The following C1QTNF7 variants were observed in gnomAD, a reference collection of about 807,000 sequenced individuals.
C1QTNF7 encodes the protein complement C1q tumor necrosis factor-related protein 7.
In C1QTNF7, 15 loss-of-function variants were observed where a neutral mutation model predicts 19.6. The ratio of observed to expected loss-of-function variants is 0.76; its 90% CI spans 0.51 to 1.18. The LOEUF (loss-of-function observed/expected upper bound fraction) is 1.18, where lower values mean the gene tolerates loss of function less well. C1QTNF7 is among the 50% of genes most tolerant of loss of function. C1QTNF7 has a pLI of 0.00. For missense variants in C1QTNF7, 324 were observed against 359.7 expected, an observed-to-expected ratio of 0.90 and a Z score of 0.80; for synonymous variants, 142 against 137.5, an observed-to-expected ratio of 1.03 and a Z score of -0.23.
At chr4:15,383,322 A>C (rs973603509) in intron 1 of C1QTNF7, among the ~76,000 whole-genome samples, 2 of 152,156 alleles carry the variant, frequency 1.3e-5, no homozygotes, top group Non-Finnish European at 2.9e-5. Flanking sequence ...AGAGAAAGCC[A>C]CTTCCCTATG....
At chr4:15,368,684 C>A (rs962166066) in intron 1 of C1QTNF7, among the ~76,000 whole-genome samples, 1 of 152,328 alleles carries the variant, frequency 6.6e-6, no homozygotes, top group East Asian at 1.9e-4. Flanking sequence ...TTAATCCATT[C>A]TATAATTGAT....
chr4:15,383,368 A>G (rs963857059), intron 1 of C1QTNF7, among the ~76,000 whole-genome samples: 26 of 152,288 alleles, frequency 1.7e-4, no homozygotes, highest in Admixed American at 4.6e-4. Context: ...TTACGCTAAT[A>G]CCAACAGACT....
chr4:15,403,396 A>C (rs1258047214), intron 1 of C1QTNF7, among the ~76,000 whole-genome samples: 1 of 152,152 alleles, frequency 6.6e-6, no homozygotes, highest in Non-Finnish European at 1.5e-5. Context: ...GAGATCAAAA[A>C]TCCAAAATCA....
intron 1 of C1QTNF7, among the ~76,000 whole-genome samples, chr4:15,431,802 C>A (rs1712323322): frequency 6.6e-6 from 1 of 152,162 alleles, no homozygotes; most frequent in South Asian, 2.1e-4. Flanking sequence ...TCCCTGCCCT[C>A]ATGTAGCTTA....
At chr4:15,368,246 C>T (rs1717598482) in intron 1 of C1QTNF7, among the ~76,000 whole-genome samples, 1 of 152,112 alleles carries the variant, frequency 6.6e-6, no homozygotes, top group African/African-American at 2.4e-5. Context: ...CAGTTGTCCA[C>T]ACCCCCGACT....
upstream of C1QTNF7, among the ~76,000 whole-genome samples, chr4:15,423,930 T>C (rs1409156734): frequency 6.6e-6 from 1 of 152,220 alleles, no homozygotes; most frequent in Non-Finnish European, 1.5e-5. Flanking sequence ...CTCCACAATA[T>C]CCTTTATTTT....
chr4:15,357,251 T>A (rs1717177505), intron 1 of C1QTNF7, among the ~76,000 whole-genome samples: 1 of 152,234 alleles, frequency 6.6e-6, no homozygotes, highest in African/African-American at 2.4e-5. Context: ...AAGTCTTTAA[T>A]TCACCTTGAG....
chr4:15,371,858 C>T (rs1717742362), intron 1 of C1QTNF7, among the ~76,000 whole-genome samples: 1 of 152,102 alleles, frequency 6.6e-6, no homozygotes, highest in Admixed American at 6.5e-5. Flanking sequence ...GGAGGGAATC[C>T]CCATGGCTTC....
At chr4:15,422,209 T>TAAA (rs386399348) in intron 1 of C1QTNF7, among the ~76,000 whole-genome samples, 4,451 of 51,360 alleles carry the variant, frequency 0.087, 82 homozygotes, top group Non-Finnish European at 0.13. Context: ...CTGTTTTTTT[T>TAAA]TAAAAAAAAA....
At chr4:15,407,425 A>G (rs1242771798) in intron 1 of C1QTNF7, among the ~76,000 whole-genome samples, 1 of 152,234 alleles carries the variant, frequency 6.6e-6, no homozygotes, top group Non-Finnish European at 1.5e-5. Context: ...AATTTAGACC[A>G]GCTCTGCCTA....
chr4:15,404,748 C>A (rs1719132036), intron 1 of C1QTNF7, among the ~76,000 whole-genome samples: 1 of 152,124 alleles, frequency 6.6e-6, no homozygotes, highest in Admixed American at 6.6e-5. Context: ...GGCATGGGAA[C>A]CAAACAGTCT....
intron 1 of C1QTNF7, among the ~76,000 whole-genome samples, chr4:15,359,178 G>C (rs900055924): frequency 1.3e-5 from 2 of 152,102 alleles, no homozygotes; most frequent in African/African-American, 4.8e-5. Flanking sequence ...TGTAGGGCAA[G>C]GTCCAATGCC....
intron 1 of C1QTNF7, among the ~76,000 whole-genome samples, chr4:15,398,084 A>AT (rs1718856937): frequency 6.6e-6 from 1 of 151,754 alleles, no homozygotes. Flanking sequence ...TTTTTCATTC[A>AT]TTTTTTTCAT....
intron 1 of C1QTNF7, among the ~76,000 whole-genome samples, chr4:15,417,340 T>G (rs182214702): frequency 3.8e-4 from 58 of 152,350 alleles, no homozygotes; most frequent in African/African-American, 1.3e-3. Flanking sequence ...CCCTGAGCCC[T>G]TGAAAACTAT....
At chr4:15,348,102 G>C (rs1265704752) in intron 1 of C1QTNF7, among the ~76,000 whole-genome samples, 3 of 152,134 alleles carry the variant, frequency 2.0e-5, no homozygotes, top group African/African-American at 7.2e-5. Flanking sequence ...CGATGTATTT[G>C]GTGGGCCAGC....
At chr4:15,425,674 T>C (rs115770150), upstream of C1QTNF7, among the ~76,000 whole-genome samples, 324 of 152,300 alleles carry the variant, frequency 2.1e-3, no homozygotes, top group African/African-American at 7.6e-3. Context: ...GATCAGACTG[T>C]CTAAATTACT....
At chr4:15,432,305 G>C (rs935347803) in intron 1 of C1QTNF7, among the ~76,000 whole-genome samples, 4 of 152,156 alleles carry the variant, frequency 2.6e-5, no homozygotes, top group Non-Finnish European at 5.9e-5. Flanking sequence ...CACACCCCGT[G>C]GTCTTCTTGC....
chr4:15,351,485 T>C (rs1716935648), intron 1 of C1QTNF7, among the ~76,000 whole-genome samples: 3 of 152,136 alleles, frequency 2.0e-5, no homozygotes, highest in Admixed American at 2.0e-4. Context: ...ATTTGGCAAG[T>C]AGGAGAAACA....
At chr4:15,366,065 CA>C (rs1000356817) in intron 1 of C1QTNF7, among the ~76,000 whole-genome samples, 22 of 152,276 alleles carry the variant, frequency 1.4e-4, no homozygotes, top group African/African-American at 5.1e-4. Context: ...ACACAGATCC[CA>C]GCACATGGAA....
Sources: allele counts gnomAD v4.1 joint callset (sites outside exome capture counted in the v4.1 genomes callset), GRCh38; gene constraint gnomAD v4.1.1; transcripts MANE v1.5; gene names NCBI Gene and HGNC (gene_info 2026-07-23, HGNC 2026-07-21).